LDLRAD4: variants seen among roughly 807,000 people sequenced by gnomAD.
LDLRAD4 encodes the protein low-density lipoprotein receptor class A domain-containing protein 4.
Under a neutral mutation model 17.0 loss-of-function variants are expected in LDLRAD4, and 5 were observed. The ratio of observed to expected loss-of-function variants is 0.29; its 90% confidence interval spans 0.15 to 0.62. The LOEUF (loss-of-function observed/expected upper bound fraction) is 0.62, where lower values mean the gene tolerates loss of function less well. Ranked by LOEUF, LDLRAD4 falls within the 20% of genes least tolerant of loss-of-function variation. The pLI is 0.84. For synonymous variants in LDLRAD4, 168 were observed against 171.8 expected (o/e 0.98, Z 0.17); for missense variants, 340 against 424.7 (o/e 0.80, Z 1.75).
chr18:13,337,467 G>A (rs2082156929), intron 1 of LDLRAD4, among the ~76,000 whole-genome samples: 1 of 152,124 alleles, frequency 6.6e-6, no homozygotes, highest in Non-Finnish European at 1.5e-5. Context: ...TTGTCTTTTT[G>A]CTTTTGTTTG....
rs1338888539 is a variant in LDLRAD4, at chr18:13,398,037, C to G, written c.40+10275C>G. 6.6e-6 allele frequency among the ~76,000 whole-genome samples: 1 copy of G among 152,200 alleles called. No homozygotes were observed. Among genetic ancestry groups the G allele is most frequent in the East Asian group, 1.9e-4 (1 of 5,194 alleles). The stretch of plus-strand genomic sequence containing the variant: ...CCGAGTTTGTGGCTCAGGATCTGCA[C>G]AGGCCCGAGAGACCCTCCTTGAGGA... On this transcript the variant is annotated intron_variant, in intron 2 of 5. Coordinates refer to ENST00000359446, the Ensembl canonical transcript of LDLRAD4. This position sits in a 1 kb window ranked among gnomAD's most constrained non-coding sequence, Gnocchi z 4.8.
chr18:13,452,368 G>A (rs1280648179), intron 3 of LDLRAD4, among the ~76,000 whole-genome samples: 1 of 152,138 alleles, frequency 6.6e-6, no homozygotes, highest in Non-Finnish European at 1.5e-5. Flanking sequence ...TGCCGTGGAG[G>A]GGGGCGAGGA....
chr18:13,317,281 C>T (rs1426318909), intron 1 of LDLRAD4, among the ~76,000 whole-genome samples: 3 of 152,198 alleles, frequency 2.0e-5, no homozygotes, highest in Admixed American at 2.0e-4. Flanking sequence ...ATCCTAAGCT[C>T]TCAGGGATAG....
intron 3 of LDLRAD4, chr18:13,462,337 C>A: frequency 6.5e-6 from 1 of 152,688 alleles, no homozygotes; most frequent in Non-Finnish European, 1.5e-5. Flanking sequence ...TTACTCTGAG[C>A]TGAGACGAGC....
At chr18:13,293,193 T>C (rs1036597670) in intron 1 of LDLRAD4, among the ~76,000 whole-genome samples, 1 of 152,180 alleles carries the variant, frequency 6.6e-6, no homozygotes, top group Non-Finnish European at 1.5e-5. Flanking sequence ...TGGCCTGTGG[T>C]CAATTTTTGG....
chr18:13,554,368 A>G (rs1170708316), intron 3 of LDLRAD4, among the ~76,000 whole-genome samples: 2 of 152,180 alleles, frequency 1.3e-5, no homozygotes, highest in Non-Finnish European at 2.9e-5. Flanking sequence ...CTAGGTGTCA[A>G]GGGAGTCAAA....
intron 1 of LDLRAD4, among the ~76,000 whole-genome samples, chr18:13,269,699 G>A (rs1256202334): frequency 5.3e-5 from 8 of 152,116 alleles, no homozygotes; most frequent in Non-Finnish European, 8.8e-5. Context: ...AGTCTGAGTC[G>A]GCAGTGTGGG....
At chr18:13,612,777 A>G (rs2039720309) in intron 3 of LDLRAD4, 2 of 1,613,938 alleles carry the variant, frequency 1.2e-6, no homozygotes, top group Admixed American at 1.7e-5. Flanking sequence ...AAAAAAAGGT[A>G]CATTTCCCAA....
chr18:13,241,855 A>G (rs1024580450), intron 1 of LDLRAD4: 2 of 152,286 alleles, frequency 1.3e-5, no homozygotes, highest in Non-Finnish European at 2.9e-5. Flanking sequence ...GATGACTGTC[A>G]TGTTGTCTCG....
Position 13,645,578 on chromosome 18 carries a change from T to A in LDLRAD4, c.842T>A (p.Leu281Gln). 2 of 1,600,424 alleles carry A rather than the reference T, an allele frequency of 1.2e-6. No individual in the cohort carries two copies. The highest frequency in any genetic ancestry group is 1.7e-6 in the Non-Finnish European group (2 of 1,173,902). Reference sequence around the variant, plus strand: ...AGCAACGCACACAGGGGCAGCAGACTGCAGTTTCAGCAGAACAATGCAGAG... The same window carrying A: ...AGCAACGCACACAGGGGCAGCAGACAGCAGTTTCAGCAGAACAATGCAGAG... Residue 281 changes from leucine (L) to glutamine (Q), a missense_variant, in exon 6 of 6, where the codon CTG becomes CAG. Coordinates refer to ENST00000359446, the Ensembl canonical transcript of LDLRAD4. This position sits in a 1 kb window ranked among gnomAD's most constrained non-coding sequence, Gnocchi z 5.7.
intron 4 of LDLRAD4, chr18:13,642,601 A>C (rs2042671310): frequency 1.6e-6 from 2 of 1,229,714 alleles, no homozygotes; most frequent in South Asian, 4.2e-5. Flanking sequence ...AGGGCCGTCC[A>C]CCTGCGAGCG....
At chr18:13,627,325 T>C (rs1040256009) in intron 4 of LDLRAD4, among the ~76,000 whole-genome samples, 1 of 152,194 alleles carries the variant, frequency 6.6e-6, no homozygotes, top group African/African-American at 2.4e-5. Context: ...TTCCATCTTC[T>C]CTTGAAAAAG....
chr18:13,312,845 A>G (rs1276993762), intron 1 of LDLRAD4, among the ~76,000 whole-genome samples: 1 of 152,234 alleles, frequency 6.6e-6, no homozygotes, highest in Admixed American at 6.5e-5. Context: ...GATACCTTAA[A>G]TAATCATAGC....
At chr18:13,444,787 A>T (rs2091277280) in intron 3 of LDLRAD4, among the ~76,000 whole-genome samples, 1 of 152,208 alleles carries the variant, frequency 6.6e-6, no homozygotes, top group Non-Finnish European at 1.5e-5. Context: ...TGCTGAGTGT[A>T]GGGATGAATA....
intron 3 of LDLRAD4, among the ~76,000 whole-genome samples, chr18:13,493,713 T>G (rs536312285): frequency 4.3e-4 from 65 of 152,318 alleles, no homozygotes; most frequent in African/African-American, 1.5e-3. Context: ...ATGAAATGAT[T>G]TTTTTCCTCC....
exon 1 of LDLRAD4, chr18:13,218,793 T>TCTC: frequency 6.6e-6 from 1 of 152,440 alleles, no homozygotes; most frequent in African/African-American, 2.4e-5. Context: ...TTAGGCTGGG[T>TCTC]CTCCGAGCCC....
intron 1 of LDLRAD4, among the ~76,000 whole-genome samples, chr18:13,292,052 G>T (rs545913327): frequency 6.6e-6 from 1 of 152,216 alleles, no homozygotes; most frequent in Non-Finnish European, 1.5e-5. Flanking sequence ...TGCATTTGCT[G>T]TGTGCCCTTC....
At chr18:13,338,205 A>G (rs981302115) in intron 1 of LDLRAD4, among the ~76,000 whole-genome samples, 1 of 152,194 alleles carries the variant, frequency 6.6e-6, no homozygotes, top group Non-Finnish European at 1.5e-5. Flanking sequence ...CGTGCTTCAT[A>G]TCATCCACCA....
intron 4 of LDLRAD4, chr18:13,642,699 C>T (rs2042683549): frequency 8.1e-7 from 1 of 1,231,568 alleles, no homozygotes; most frequent in East Asian, 3.2e-5. Context: ...AGCCTGCCCT[C>T]ATCGGGCGGC....
Sources: allele counts gnomAD v4.1 joint callset (sites outside exome capture counted in the v4.1 genomes callset), GRCh38; gene constraint gnomAD v4.1.1; non-coding constraint Gnocchi (gnomAD v3.1); transcripts MANE v1.5; gene names NCBI Gene and HGNC (gene_info 2026-07-23, HGNC 2026-07-21).